Variants in EDNRB observed in about 807,000 individuals in gnomAD.
The protein encoded by EDNRB is endothelin receptor type B.
In EDNRB, 18 loss-of-function variants were observed where a neutral mutation model predicts 46.4. The ratio of observed to expected loss-of-function variants is 0.39; its 90% CI spans 0.27 to 0.57. The LOEUF (loss-of-function observed/expected upper bound fraction) is 0.57. Ranked by LOEUF, EDNRB falls within the 20% of genes least tolerant of loss-of-function variation. The probability of loss-of-function intolerance (pLI) is 0.61; values close to 1 mark genes in which losing one functional copy is unlikely to be tolerated. For synonymous variants in EDNRB, 213 were observed against 204.9 expected (o/e 1.04, Z -0.34); for missense variants, 434 against 537.5 (o/e 0.81, Z 1.90).
Position 77,896,117 on chromosome 13 carries a change from T to G in EDNRB, c.*2083A>C, listed in dbSNP as rs574887769. The G allele has an allele frequency of 1.3e-5, 2 of 156,642 alleles. No individual in the cohort carries two copies. Among genetic ancestry groups the G allele is most frequent in the Admixed American group, 1.3e-4 (2 of 15,398 alleles). 9.7% of individuals were successfully genotyped at this position (156,642 alleles called of 1,614,324 possible). On this transcript the variant is annotated 3_prime_UTR_variant, in exon 7 of 7. Transcript: ENST00000646607. ...AACATTTTTTTAAAAAGCCACTGAA[T>G]GCAATTTTATTATAAATAATGCAAG...
At chr13:77,967,964 A>G (rs1008538950) in intron 1 of EDNRB, among the ~76,000 whole-genome samples, 1 of 152,098 alleles carries the variant, frequency 6.6e-6, no homozygotes, top group South Asian at 2.1e-4. Flanking sequence ...AGGCATCCAA[A>G]TGCATTGTTC....
At chr13:77,959,425 A>C (rs532515577) in intron 1 of EDNRB, among the ~76,000 whole-genome samples, 32 of 152,346 alleles carry the variant, frequency 2.1e-4, no homozygotes, top group African/African-American at 6.7e-4. Context: ...ATACCCAGGC[A>C]AACAGGGTCG....
chr13:77,905,899 T>G (rs1879250062), intron 1 of EDNRB, among the ~76,000 whole-genome samples: 1 of 151,952 alleles, frequency 6.6e-6, no homozygotes, highest in African/African-American at 2.4e-5. Context: ...GGGAAGAATT[T>G]GAATGCTTTT....
chr13:77,921,327 C>A, upstream of EDNRB, among the ~76,000 whole-genome samples: 1 of 152,326 alleles, frequency 6.6e-6, no homozygotes. Flanking sequence ...TAAATATACA[C>A]ATTCCTCATT....
At chr13:77,963,153 C>T (rs1274371376) in intron 1 of EDNRB, among the ~76,000 whole-genome samples, 1 of 152,196 alleles carries the variant, frequency 6.6e-6, no homozygotes. Flanking sequence ...ATTCCATGCT[C>T]ATGGATAAGA....
chr13:77,940,777 G>A (rs146589901), intron 1 of EDNRB, among the ~76,000 whole-genome samples: 97 of 151,892 alleles, frequency 6.4e-4, no homozygotes, highest in African/African-American at 2.2e-3. Flanking sequence ...GGTTAAAATT[G>A]CCACAGTCTA....
chr13:77,922,141 G>T (rs537884149), upstream of EDNRB, among the ~76,000 whole-genome samples: 31 of 150,420 alleles, frequency 2.1e-4, no homozygotes, highest in Non-Finnish European at 4.0e-4. Flanking sequence ...TTTTTGGCTA[G>T]GTAAATGTGG....
chr13:77,907,076 C>T lies in EDNRB; in HGVS notation c.484-3469G>A, dbSNP rs185849190. 7.4e-3 allele frequency among the ~76,000 whole-genome samples: 1,125 copies of T among 152,042 alleles called. 9 individuals carry two copies. The highest frequency in any genetic ancestry group is 9.4e-3 in the Non-Finnish European group (638 of 67,926). On this transcript the variant is annotated intron_variant, in intron 1 of 6. Coordinates refer to ENST00000646607, the MANE Select transcript of EDNRB (RefSeq NM_001122659.3). Reference sequence around the variant, plus strand: ...CAAATAATAGTAAAATATCTAGATGCAGAGCAAAATCTTCTGCTCACCTAG... The same window carrying T: ...CAAATAATAGTAAAATATCTAGATGTAGAGCAAAATCTTCTGCTCACCTAG...
At chr13:77,912,741 T>C (rs547025990) in intron 1 of EDNRB, among the ~76,000 whole-genome samples, 4 of 152,252 alleles carry the variant, frequency 2.6e-5, no homozygotes, top group South Asian at 2.1e-4. Flanking sequence ...ATGCACTTAA[T>C]TGGTGCTCCT....
At chr13:77,919,581 G>A (rs201841569), upstream of EDNRB, 2 of 1,611,614 alleles carry the variant, frequency 1.2e-6, no homozygotes, top group Non-Finnish European at 1.7e-6. Flanking sequence ...TTTGCTCGGG[G>A]TCTCTGCTGC....
intron 1 of EDNRB, among the ~76,000 whole-genome samples, chr13:77,908,664 A>G (rs1236164401): frequency 6.6e-6 from 1 of 151,998 alleles, no homozygotes; most frequent in Admixed American, 6.6e-5. Context: ...ACCCAGCAAT[A>G]ACACATTCCT....
intron 6 of EDNRB, 115 bp downstream of exon 6, chr13:77,899,744 A>T: frequency 3.8e-6 from 3 of 784,594 alleles, no homozygotes; most frequent in Non-Finnish European, 6.2e-6. Flanking sequence ...GATGTAATAA[A>T]AGGGAAACTA....
At chr13:77,968,881 A>G (rs1194830026) in intron 1 of EDNRB, among the ~76,000 whole-genome samples, 2 of 152,156 alleles carry the variant, frequency 1.3e-5, no homozygotes, top group African/African-American at 2.4e-5. Context: ...AATTTTTTTC[A>G]GGTCTCAGAT....
chr13:77,899,551 C>A (rs974879791), intron 6 of EDNRB: 8 of 286,178 alleles, frequency 2.8e-5, no homozygotes, highest in Non-Finnish European at 5.4e-5. Context: ...TCATGTTTAG[C>A]CCTTATTTTA....
chr13:77,910,305 G>A (rs982343942), intron 1 of EDNRB, among the ~76,000 whole-genome samples: 2 of 151,900 alleles, frequency 1.3e-5, no homozygotes, highest in Admixed American at 6.6e-5. Context: ...TTCACAGTAA[G>A]AGTCAAAAAA....
intron 1 of EDNRB, among the ~76,000 whole-genome samples, chr13:77,913,752 A>G (rs1879687009): frequency 6.6e-6 from 1 of 152,198 alleles, no homozygotes; most frequent in Admixed American, 6.5e-5. Context: ...ACATAAACAC[A>G]TTGATAGCAT....
intron 1 of EDNRB, among the ~76,000 whole-genome samples, chr13:77,927,136 C>T (rs939940659): frequency 6.6e-6 from 1 of 152,076 alleles, no homozygotes; most frequent in African/African-American, 2.4e-5. Flanking sequence ...TAAGTACATC[C>T]CTATCTATTT....
At chr13:77,963,511 C>A (rs1594400668) in intron 1 of EDNRB, among the ~76,000 whole-genome samples, 1 of 152,106 alleles carries the variant, frequency 6.6e-6, no homozygotes, top group Admixed American at 6.6e-5. Context: ...GAAAAACAAG[C>A]AATGGGGAAA....
intron 1 of EDNRB, among the ~76,000 whole-genome samples, chr13:77,973,468 T>G (rs1332192205): frequency 6.6e-6 from 1 of 152,172 alleles, no homozygotes; most frequent in Non-Finnish European, 1.5e-5. Flanking sequence ...ATGCTTTTAT[T>G]TTAATGTCCA....
Sources: gnomAD v4.1 joint callset for allele counts (sites outside exome capture counted in the v4.1 genomes callset) on GRCh38, gnomAD v4.1.1 for gene constraint, MANE v1.5 for transcripts, NCBI Gene and HGNC (gene_info 2026-07-23, HGNC 2026-07-21) for gene names.